The following SNX4 variants were observed in gnomAD, a reference collection of about 807,000 sequenced individuals.
The protein encoded by SNX4 is sorting nexin-4.
In SNX4, 49 loss-of-function variants were observed where a neutral mutation model predicts 70.8. That is an observed-to-expected ratio of 0.69 (90% confidence interval 0.55 to 0.88). The LOEUF (loss-of-function observed/expected upper bound fraction) is 0.88, where lower values mean the gene tolerates loss of function less well. SNX4 is among the 40% of genes least tolerant of loss of function. The pLI, the probability that SNX4 is intolerant of heterozygous loss-of-function variation, is 0.00. For missense variants in SNX4, 528 were observed against 544.8 expected, an observed-to-expected ratio of 0.97 and a Z score of 0.31; for synonymous variants, 206 against 183.8, an observed-to-expected ratio of 1.12 and a Z score of -0.98.
At chr3:125,497,802 T>C (rs986627072) in intron 4 of SNX4, 32 bp downstream of exon 4, 2 of 1,446,016 alleles carry the variant, frequency 1.4e-6, no homozygotes, top group African/African-American at 2.9e-5. Context: ...ATTAAATGAA[T>C]ATTTTACTAA....
chr3:125,494,368 T>G, intron 5 of SNX4, among the ~76,000 whole-genome samples: 1 of 152,194 alleles, frequency 6.6e-6, no homozygotes, highest in East Asian at 1.9e-4. Flanking sequence ...TGTAATTATG[T>G]GACCTTGGCT....
chr3:125,452,010 C>G (rs1465002447), intron 12 of SNX4, among the ~76,000 whole-genome samples: 1 of 152,178 alleles, frequency 6.6e-6, no homozygotes, highest in African/African-American at 2.4e-5. Context: ...AGCCAGCTCA[C>G]AAACCTAACA....
intron 10 of SNX4, among the ~76,000 whole-genome samples, chr3:125,460,198 C>CAA (rs57601494): frequency 1.9e-3 from 125 of 64,626 alleles, no homozygotes; most frequent in African/African-American, 5.3e-3. Flanking sequence ...TAGTCTGTCT[C>CAA]AAAAAAAAAA....
chr3:125,495,277 T>TATATATATATATATATATATAC lies in SNX4; in HGVS notation c.597+2063_597+2064insGTATATATATATATATATATAT. Among the ~76,000 whole-genome samples, 300 of 99,498 alleles carry TATATATATATATATATATATAC rather than the reference T, an allele frequency of 3.0e-3. 10 individuals are homozygous for TATATATATATATATATATATAC. Among genetic ancestry groups the TATATATATATATATATATATAC allele is most frequent in the African/African-American group, 8.0e-3 (223 of 27,908 alleles). 65.3% of individuals were successfully genotyped at this position (99,498 alleles called of 152,430 possible). On this transcript the variant is annotated intron_variant, in intron 5 of 13. Transcript: ENST00000251775. ...ATATATATATATATATATATATATA[T>TATATATATATATATATATATAC]ACACATACACACACACACACGTATG...
rs1935010903 is a variant in SNX4, at chr3:125,504,737, T to C, written c.149A>G (p.His50Arg). Residue 50 changes from histidine (H) to arginine (R), a missense_variant, in exon 2 of 14, where the codon CAC becomes CGC. His to Arg is a conservative substitution (Grantham distance 29). Coordinates refer to ENST00000251775, the MANE Select transcript of SNX4 (RefSeq NM_003794.4). ...EESSGVDTMT[H>R]NNFWLKKIEI... ...TATCTTCTTCAACCAAAAATTATTG[T>C]GTGTCATCTGGACAAAAGTAAATAA... The C allele has an allele frequency of 1.2e-6, 2 of 1,613,044 alleles. No individual in the cohort carries two copies. Among genetic ancestry groups the C allele is most frequent in the Non-Finnish European group, 1.7e-6 (2 of 1,179,616 alleles).
chr3:125,457,232 C>G, intron 11 of SNX4, 34 bp downstream of exon 11: 1 of 1,424,976 alleles, frequency 7.0e-7, no homozygotes, highest in Non-Finnish European at 9.9e-7. Flanking sequence ...CGTGTTGCTA[C>G]AGTATCATCA....
At chr3:125,515,222 T>A (rs1195729946) in intron 1 of SNX4, among the ~76,000 whole-genome samples, 1 of 151,686 alleles carries the variant, frequency 6.6e-6, no homozygotes, top group Non-Finnish European at 1.5e-5. Context: ...CGTGGTGGCG[T>A]GTGCCTATAG....
intron 6 of SNX4, among the ~76,000 whole-genome samples, chr3:125,486,095 T>G (rs1934521416): frequency 2.0e-5 from 3 of 152,076 alleles, no homozygotes; most frequent in Admixed American, 2.0e-4. Context: ...CACCTCGGCC[T>G]CCCAAAATGC....
chr3:125,493,424 C>G (rs1559820663), intron 5 of SNX4, among the ~76,000 whole-genome samples: 1 of 151,920 alleles, frequency 6.6e-6, no homozygotes, highest in East Asian at 1.9e-4. Flanking sequence ...GAGGCTGAGG[C>G]AGATGGATCA....
intron 2 of SNX4, among the ~76,000 whole-genome samples, chr3:125,499,044 G>A (rs535761307): frequency 6.6e-5 from 10 of 152,222 alleles, no homozygotes; most frequent in South Asian, 2.1e-4. Flanking sequence ...AAAGAGTGGC[G>A]AAGAGGGGTC....
At chr3:125,466,993 G>T (rs777938410) in intron 9 of SNX4, among the ~76,000 whole-genome samples, 1 of 148,326 alleles carries the variant, frequency 6.7e-6, no homozygotes, top group Non-Finnish European at 1.5e-5. Context: ...TGAGGCAGAA[G>T]AATCACTTGA....
chr3:125,447,689 A>G lies in SNX4; in HGVS notation c.*90T>C. 6.2e-6 allele frequency: 5 copies of G among 805,810 alleles called. No homozygotes were observed. The highest frequency in any genetic ancestry group is 1.0e-5 in the Non-Finnish European group (5 of 496,612). 49.9% of individuals were successfully genotyped at this position (805,810 alleles called of 1,614,324 possible). A position where few individuals can be genotyped will look rare whatever the true frequency, so the allele number is the denominator to read the frequency against. ...TTTATTTAACTTATTGTATATGTTT[A>G]TGTATACTAGGTAGTGACTTAAATT... On this transcript the variant is annotated 3_prime_UTR_variant, in exon 14 of 14. Coordinates refer to ENST00000251775, the MANE Select transcript of SNX4 (RefSeq NM_003794.4).
chr3:125,506,818 A>T (rs938047118), intron 1 of SNX4, among the ~76,000 whole-genome samples: 3 of 25,876 alleles, frequency 1.2e-4, no homozygotes, highest in African/African-American at 3.1e-4. Context: ...TGGAGAAAGT[A>T]AAAAAAAAAA....
intron 2 of SNX4, among the ~76,000 whole-genome samples, chr3:125,501,804 G>T (rs1934936562): frequency 6.6e-6 from 1 of 152,132 alleles, no homozygotes; most frequent in Non-Finnish European, 1.5e-5. Context: ...AAATATAGTT[G>T]TGAAAGTTGA....
chr3:125,477,707 G>A (rs933882150), intron 7 of SNX4, among the ~76,000 whole-genome samples: 1 of 152,172 alleles, frequency 6.6e-6, no homozygotes, highest in Non-Finnish European at 1.5e-5. Flanking sequence ...GTAGGTGTAT[G>A]AGGATCATAA....
chr3:125,514,620 G>A (rs1243507274), intron 1 of SNX4, among the ~76,000 whole-genome samples: 8 of 152,116 alleles, frequency 5.3e-5, no homozygotes, highest in Non-Finnish European at 1.0e-4. Context: ...TCAAACTCCC[G>A]ACCTCAGGTG....
intron 7 of SNX4, among the ~76,000 whole-genome samples, chr3:125,479,393 C>T (rs1346787999): frequency 6.6e-6 from 1 of 151,886 alleles, no homozygotes; most frequent in Non-Finnish European, 1.5e-5. Flanking sequence ...CCCATCTCTA[C>T]TAAAAATAAA....
Position 125,460,759 on chromosome 3 carries a change from T to C in SNX4, c.944+12A>G. ...ACCCTGTGGCTGCACCTGGAACTTT[T>C]ATTAAACTTACCGCAATGCTTCTGC... On this transcript the variant is annotated intron_variant, in intron 10 of 13. Coordinates refer to ENST00000251775, the MANE Select transcript of SNX4 (RefSeq NM_003794.4). 2 of 1,433,430 alleles carry C rather than the reference T, an allele frequency of 1.4e-6. No individual in the cohort carries two copies. The highest frequency in any genetic ancestry group is 9.5e-7 in the Non-Finnish European group (1 of 1,047,296). 88.8% of individuals were successfully genotyped at this position (1,433,430 alleles called of 1,614,324 possible).
chr3:125,448,885 G>C (rs1933498785), intron 13 of SNX4, among the ~76,000 whole-genome samples: 1 of 151,468 alleles, frequency 6.6e-6, no homozygotes, highest in Admixed American at 6.6e-5. Context: ...CCGTGTGTTA[G>C]GCAGGATGGT....
Sources: gnomAD v4.1 joint callset for allele counts (sites outside exome capture counted in the v4.1 genomes callset) on GRCh38, gnomAD v4.1.1 for gene constraint, MANE v1.5 for transcripts, NCBI Gene and HGNC (gene_info 2026-07-23, HGNC 2026-07-21) for gene names.